SYTL2: variants seen among roughly 807,000 people sequenced by gnomAD.
The protein encoded by SYTL2 is synaptotagmin like 2.
SYTL2 carries 165 observed loss-of-function variants against 198.7 expected under a neutral mutation model. The ratio of observed to expected loss-of-function variants is 0.83; its 90% CI spans 0.73 to 0.94. The LOEUF (loss-of-function observed/expected upper bound fraction) is 0.94. SYTL2 is among the 40% of genes least tolerant of loss of function. The probability of loss-of-function intolerance (pLI) is 0.00; values close to 1 mark genes in which losing one functional copy is unlikely to be tolerated. For synonymous variants in SYTL2, 966 were observed against 917.7 expected, an observed-to-expected ratio of 1.05 and a Z score of -0.95; for missense variants, 2,835 against 2,582.8, an observed-to-expected ratio of 1.10 and a Z score of -2.12.
At chr11:85,709,691 T>C (rs1259385650) in intron 13 of SYTL2, among the ~76,000 whole-genome samples, 191 bp from the exon 14 acceptor site, 1 of 152,160 alleles carries the variant, frequency 6.6e-6, no homozygotes, top group Non-Finnish European at 1.5e-5. Context: ...TTTTGTTTCA[T>C]TTTGTTTTTG....
chr11:85,734,382 T>G lies in SYTL2; in HGVS notation c.947A>C (p.His316Pro), dbSNP rs1367240645. The change falls in exon 7 of 20, where the codon CAT becomes CCT. Residue 316 changes from histidine to proline, a missense_variant. By Grantham distance (77) the His-to-Pro change is moderately conservative. Transcript: ENST00000359152. ...TIHERISEKE[H>P]SLEDNSSPNS... The stretch of plus-strand genomic sequence containing the variant: ...TGGGGAAGAGTTGTCTTCTAAAGAA[T>G]GCTCCTTCTCAGAAATTCTCTCATG... The G allele has an allele frequency of 6.2e-7, 1 of 1,614,182 alleles. No individual in the cohort carries two copies. The highest frequency in any genetic ancestry group is 1.3e-5 in the African/African-American group (1 of 75,058).
At chr11:85,723,722 A>G (rs1444304864) in intron 8 of SYTL2, among the ~76,000 whole-genome samples, 7 of 152,248 alleles carry the variant, frequency 4.6e-5, no homozygotes, top group Non-Finnish European at 1.0e-4. Flanking sequence ...ACTCTGAAAC[A>G]GCCTTATAGG....
In SYTL2 at chr11:85,767,002, G is replaced by A. The variant is rs548524649; in HGVS notation, c.-389-8888C>T. ...TCCCAGACATTGCTCAAGGCTTACT[G>A]AACCAAACTCTTCAAAGCTGATGTC... On this transcript the variant is annotated intron_variant, in intron 1 of 19. Coordinates refer to ENST00000359152, the MANE Select transcript of SYTL2 (RefSeq NM_206927.4). 1.6e-4 allele frequency among the ~76,000 whole-genome samples: 25 copies of A among 152,326 alleles called. 1 individual carries two copies. In the South Asian group the frequency reaches 5.0e-3, roughly 30 times the overall value.
the SYTL2 span, among the ~76,000 whole-genome samples, chr11:85,826,127 G>A: frequency 1.3e-5 from 2 of 152,162 alleles, no homozygotes; most frequent in East Asian, 1.9e-4. Flanking sequence ...CCCTGGGAAC[G>A]TCTTAGAAAT....
Position 85,727,616 on chromosome 11 carries a change from AT to A in SYTL2, c.1741del (p.Ile581LeufsTer3). On this transcript the variant is annotated frameshift_variant, in exon 8 of 20. Transcript: ENST00000359152. LOFTEE classifies it high-confidence loss of function. ...NGSKTLSPSK[I>X]ELKPVRSDSP... ...GTCAGATCTCACAGGCTTCAATTCA[AT>A]TTTGCTGGGTGATAGGGTCTTTGAG... 1 of 1,535,940 alleles carries A rather than the reference AT, an allele frequency of 6.5e-7. No individual in the cohort carries two copies. Among genetic ancestry groups the A allele is most frequent in the Non-Finnish European group, 8.7e-7 (1 of 1,146,836 alleles).
chr11:85,791,362 T>C (rs1260574801), intron 1 of SYTL2, among the ~76,000 whole-genome samples: 2 of 152,034 alleles, frequency 1.3e-5, no homozygotes, highest in Non-Finnish European at 2.9e-5. Flanking sequence ...CCACAATCTT[T>C]GCAATGATTA....
chr11:85,706,917 T>G (rs995295333), intron 15 of SYTL2, among the ~76,000 whole-genome samples: 1 of 152,124 alleles, frequency 6.6e-6, no homozygotes, highest in Non-Finnish European at 1.5e-5. Flanking sequence ...CTTGGCTCAC[T>G]GCAACCTCCG....
At chr11:85,784,384 AT>A (rs1298840051) in intron 1 of SYTL2, among the ~76,000 whole-genome samples, 1 of 152,176 alleles carries the variant, frequency 6.6e-6, no homozygotes, top group African/African-American at 2.4e-5. Flanking sequence ...AAAAAAAATT[AT>A]GGTAAACCTC....
intron 7 of SYTL2, chr11:85,733,536 G>A (rs1208989911): frequency 6.4e-6 from 1 of 155,792 alleles, no homozygotes; most frequent in African/African-American, 2.4e-5. Flanking sequence ...AGGTTAAATT[G>A]GGCTTCTACA....
At chr11:85,812,712 T>C (rs1592109557), upstream of SYTL2, among the ~76,000 whole-genome samples, 1 of 152,126 alleles carries the variant, frequency 6.6e-6, no homozygotes, top group Admixed American at 6.5e-5. Flanking sequence ...ATGCCTGTCA[T>C]ATGTCACGGC....
intron 1 of SYTL2, among the ~76,000 whole-genome samples, chr11:85,764,431 G>C (rs752642036): frequency 6.6e-6 from 1 of 152,128 alleles, no homozygotes; most frequent in Non-Finnish European, 1.5e-5. Flanking sequence ...CTTGCCTAAG[G>C]CTACTCAACC....
At chr11:85,709,587 T>A in intron 13 of SYTL2, 87 bp from the exon 14 acceptor site, 1 of 1,288,212 alleles carries the variant, frequency 7.8e-7, no homozygotes, top group Non-Finnish European at 1.1e-6. Flanking sequence ...CTGCTGGCAT[T>A]ATTTCTTTAG....
the SYTL2 span, among the ~76,000 whole-genome samples, chr11:85,835,427 A>G: frequency 6.6e-6 from 1 of 152,234 alleles, no homozygotes; most frequent in Non-Finnish European, 1.5e-5. Flanking sequence ...TACAAATATT[A>G]TGCAGTGTTG....
At chr11:85,847,624 C>T in the SYTL2 span, among the ~76,000 whole-genome samples, 21 of 152,176 alleles carry the variant, frequency 1.4e-4, no homozygotes, top group African/African-American at 2.2e-4. Flanking sequence ...CACATCCTTG[C>T]CAACACATGG....
the SYTL2 span, among the ~76,000 whole-genome samples, chr11:85,836,008 C>T: frequency 1.7e-4 from 26 of 152,184 alleles, no homozygotes; most frequent in Non-Finnish European, 3.5e-4. Context: ...TGTCTGGGCT[C>T]TCTCTGGTTC....
At chr11:85,777,422 G>A (rs11820806) in intron 1 of SYTL2, among the ~76,000 whole-genome samples, 15,559 of 152,150 alleles carry the variant, frequency 0.1, 1,787 homozygotes, top group African/African-American at 0.28. Context: ...TCACATGCCT[G>A]TACAGCAAGC....
intron 1 of SYTL2, among the ~76,000 whole-genome samples, chr11:85,810,526 C>A (rs2093017785): frequency 6.6e-6 from 1 of 152,144 alleles, no homozygotes; most frequent in Non-Finnish European, 1.5e-5. Context: ...TCATCATCCC[C>A]TGGCCGGCCC....
chr11:85,765,910 C>T (rs1245256721), intron 1 of SYTL2, among the ~76,000 whole-genome samples: 1 of 152,174 alleles, frequency 6.6e-6, no homozygotes, highest in Non-Finnish European at 1.5e-5. Flanking sequence ...AAGCCCCAAC[C>T]AAGCGCAAGA....
intron 18 of SYTL2, among the ~76,000 whole-genome samples, chr11:85,697,287 GC>G (rs767365116): frequency 6.6e-6 from 1 of 152,118 alleles, no homozygotes; most frequent in Non-Finnish European, 1.5e-5. Context: ...TGATCCGTCC[GC>G]CTTGGCCTCC....
Sources: gnomAD v4.1 joint callset for allele counts (sites outside exome capture counted in the v4.1 genomes callset) on GRCh38, gnomAD v4.1.1 for gene constraint, MANE v1.5 for transcripts, NCBI Gene and HGNC (gene_info 2026-07-23, HGNC 2026-07-21) for gene names.